The following FANCG variants were observed in gnomAD, a reference collection of about 807,000 sequenced individuals.
FANCG encodes Fanconi anemia group G protein.
A neutral mutation model predicts 73.3 loss-of-function variants in FANCG; 67 were observed. That is an observed-to-expected ratio of 0.91 (90% confidence interval 0.75 to 1.12). The LOEUF (loss-of-function observed/expected upper bound fraction) is 1.12. FANCG is among the 50% of genes most tolerant of loss of function. The pLI is 0.00. For synonymous variants in FANCG, 297 were observed against 311.6 expected, an observed-to-expected ratio of 0.95 and a Z score of 0.49; for missense variants, 643 against 735.6, an observed-to-expected ratio of 0.87 and a Z score of 1.46.
In FANCG at chr9:35,077,336, C is replaced by T; in HGVS notation, c.574G>A (p.Asp192Asn). The T allele has an allele frequency of 6.2e-7, 1 of 1,614,172 alleles. No individual in the cohort carries two copies. The highest frequency in any genetic ancestry group is 8.5e-7 in the Non-Finnish European group (1 of 1,180,016). The stretch of plus-strand genomic sequence containing the variant: ...GCATCCTGCAGGGTCAATGGAGCAT[C>T]TAATTCCTCAGCTGGGGGACTCCAA... ...KTWSPPAEEL[D>N]APLTLQDAQG... is the part of the protein sequence containing the mutation. Residue 192 changes from aspartate (D) to asparagine (N), a missense_variant, in exon 5 of 14, where the codon GAT becomes AAT. Physicochemically the swap from Asp to Asn is conservative, Grantham distance 23. Transcript: ENST00000378643.
Position 35,079,269 on chromosome 9 carries a change from G to A in FANCG, c.85-28C>T, listed in dbSNP as rs954547039. 6 of 1,591,600 alleles carry A rather than the reference G, an allele frequency of 3.8e-6. No individual in the cohort carries two copies. The African/African-American group carries it at 4.0e-5, about 11-fold the overall frequency. On this transcript the variant is annotated intron_variant, in intron 1 of 13. Coordinates refer to ENST00000378643, the MANE Select transcript of FANCG (RefSeq NM_004629.2). Reference sequence around the variant, plus strand: ...GCCACATGAGGGAGGGGTTGTCACTGAGGATCAATCCTTTTTTCTCCCCTT... The same window carrying A: ...GCCACATGAGGGAGGGGTTGTCACTAAGGATCAATCCTTTTTTCTCCCCTT...
rs1352925482 is a variant in FANCG, at chr9:35,074,767, A to G, written c.1636+160T>C. The stretch of plus-strand genomic sequence containing the variant: ...TGGGAGCCCTGCATACACACTGTGT[A>G]TATTTGAACACCTGGATATATCCCT... On this transcript the variant is annotated intron_variant, in intron 12 of 13. Coordinates refer to ENST00000378643, the MANE Select transcript of FANCG (RefSeq NM_004629.2). 2.8e-5 allele frequency: 27 copies of G among 972,230 alleles called. No individual in the cohort carries two copies. The East Asian group carries it at 5.8e-4, about 21-fold the overall frequency. The allele number at this position is 972,230 out of a possible 1,614,324, so 60.2% of individuals were successfully genotyped here.
rs781361418 is a variant in FANCG at position 35,079,145 on chromosome 9, G to C, written c.175+6C>G. On this transcript the variant is annotated splice_donor_region_variant and intron_variant, in intron 2 of 13. Transcript: ENST00000378643. ...GAACTGACCATCCTGGGGAGGACCCGCCTACCTTGCAGACTATGGAGGAGC... is the reference window on the plus strand; with the variant it reads ...GAACTGACCATCCTGGGGAGGACCCCCCTACCTTGCAGACTATGGAGGAGC... The C allele has an allele frequency of 2.5e-6, 4 of 1,603,396 alleles. No homozygotes were observed. Among genetic ancestry groups the C allele is most frequent in the African/African-American group, 1.3e-5 (1 of 74,640 alleles).
intron 4 of FANCG, 91 bp from the exon 5 acceptor site, chr9:35,077,490 G>A (rs1829108216): frequency 1.3e-6 from 2 of 1,543,336 alleles, no homozygotes; most frequent in Non-Finnish European, 1.8e-6. Flanking sequence ...TTGAGCTCAA[G>A]GGTCCTCTTG....
At chr9:35,074,863 T>C (rs1428879038) in intron 12 of FANCG, 64 bp downstream of exon 12, 4 of 1,593,852 alleles carry the variant, frequency 2.5e-6, no homozygotes, top group East Asian at 2.2e-5. Context: ...CGCCCAAGTA[T>C]TTCCCATGGG....
At position 35,078,249 on chromosome 9, in the gene FANCG, C is replaced by T. The variant is rs1489022601; in HGVS notation, c.402G>A (p.Glu134=). ...SVLRASCLLP[E]LLSALHRLVG... ...CCAGGCGGTGCAGGGCAGACAGCAG[C>T]TCCGGCAGAAGGCAGGAAGCACGAA... is the stretch of plus-strand genomic sequence containing the variant. The change falls in exon 4 of 14, where the codon GAG becomes GAA. Residue 134 remains glutamate (E), a synonymous_variant. Transcript: ENST00000378643. 1 of 1,614,182 alleles carries T rather than the reference C, an allele frequency of 6.2e-7. No individual in the cohort carries two copies. Among genetic ancestry groups the T allele is most frequent in the Non-Finnish European group, 8.5e-7 (1 of 1,180,042 alleles).
intron 3 of FANCG, 107 bp from the exon 4 acceptor site, chr9:35,078,450 C>T (rs1829126438): frequency 6.6e-7 from 1 of 1,516,422 alleles, no homozygotes; most frequent in Non-Finnish European, 9.1e-7. Flanking sequence ...CCCCAAAGGT[C>T]ACAATAATAA....
chr9:35,079,504 A>G lies in FANCG; in HGVS notation c.21T>C (p.Ser7=), dbSNP rs747679533. The change falls in exon 1 of 14, where the codon TCT becomes TCC. Residue 7 remains serine, a synonymous_variant. Transcript: ENST00000378643. MSRQTT[S]VGSSCLDLWR... ...ACAGGTCCAGGCAGCTGGAGCCCAC[A>G]GAGGTGGTCTGGCGGGACATGGTGG... 6.2e-7 allele frequency: 1 copy of G among 1,614,098 alleles called. No individual in the cohort carries two copies. The highest frequency in any genetic ancestry group is 8.5e-7 in the Non-Finnish European group (1 of 1,180,028).
chr9:35,073,855 C>T lies in FANCG; in HGVS notation c.*253G>A, dbSNP rs916607205. 2.7e-5 allele frequency: 15 copies of T among 563,548 alleles called. No homozygotes were observed. Among genetic ancestry groups the T allele is most frequent in the African/African-American group, 2.1e-4 (11 of 53,258 alleles). The allele number at this position is 563,548 out of a possible 1,614,324, so 34.9% of individuals were successfully genotyped here. A position where few individuals can be genotyped will look rare whatever the true frequency, so the allele number is the denominator to read the frequency against. ...CAGACGAGATAAATATGAAATTTTACTCGACAACAGAAAAGGAGAAACAGG... is the reference window on the plus strand; with the variant it reads ...CAGACGAGATAAATATGAAATTTTATTCGACAACAGAAAAGGAGAAACAGG... On this transcript the variant is annotated 3_prime_UTR_variant, in exon 14 of 14. Coordinates refer to ENST00000378643, the MANE Select transcript of FANCG (RefSeq NM_004629.2).
At position 35,076,850 on chromosome 9, in the gene FANCG, C is replaced by T. The variant is rs200673434; in HGVS notation, c.798G>A (p.Leu266=). ...HRKMGNPQRA[L]LYLVAALKEG... ...CTTTCAGGGCTGCAACCAAGTACAACAGTGCTCTCTGTGGATTTCCCTAAA... is the reference window on the plus strand; with the variant it reads ...CTTTCAGGGCTGCAACCAAGTACAATAGTGCTCTCTGTGGATTTCCCTAAA... Residue 266 remains leucine (L), a synonymous_variant, in exon 7 of 14, where the codon CTG becomes CTA. Coordinates refer to ENST00000378643, the MANE Select transcript of FANCG (RefSeq NM_004629.2). 5.0e-6 allele frequency: 8 copies of T among 1,614,240 alleles called. No homozygotes were observed. The Admixed American group carries it at 6.7e-5, about 13-fold the overall frequency.
chr9:35,077,138 T>TA, intron 5 of FANCG, 37 bp from the exon 6 acceptor site: 2 of 1,614,106 alleles, frequency 1.2e-6, no homozygotes, highest in Non-Finnish European at 1.7e-6. Flanking sequence ...GAGAGGGCTA[T>TA]AGAGCAGGGG....
rs1486575606 is a variant in FANCG at position 35,078,355 on chromosome 9, A to C, written c.308-12T>G. 3.7e-6 allele frequency: 6 copies of C among 1,606,846 alleles called. No individual in the cohort carries two copies. In the Admixed American group the frequency reaches 1.0e-4, roughly 27 times the overall value. ...CTGTGTCTCCAGCACTGTAGAGTAT[A>C]CACACACACATAGACACACACACAG... is the stretch of plus-strand genomic sequence containing the variant. On this transcript the variant is annotated splice_polypyrimidine_tract_variant and intron_variant, in intron 3 of 13. Coordinates refer to ENST00000378643, the MANE Select transcript of FANCG (RefSeq NM_004629.2).
In FANCG at chr9:35,078,798, C is replaced by G. The variant is rs1364392069; in HGVS notation, c.176-62G>C. ...CATGGAAGATCCTCCAAATAAAATC[C>G]CAACTCAGAGATCACCCCACTCCAA... On this transcript the variant is annotated intron_variant, in intron 2 of 13. Coordinates refer to ENST00000378643, the MANE Select transcript of FANCG (RefSeq NM_004629.2). 25 of 1,608,826 alleles carry G rather than the reference C, an allele frequency of 1.6e-5. No individual in the cohort carries two copies. In the East Asian group the frequency reaches 5.3e-4, roughly 34 times the overall value.
Position 35,076,499 on chromosome 9 carries a change from G to GT in FANCG, c.1008dup (p.Pro337ThrfsTer41), listed in dbSNP as rs1829086026. The stretch of plus-strand genomic sequence containing the variant: ...TGGCTCTGAGTGCCACAATGAAGGG[G>GT]TGAGGCTAGGTCAGGTGGTGGCAGT... On this transcript the variant is annotated frameshift_variant, in exon 8 of 14. Coordinates refer to ENST00000378643, the MANE Select transcript of FANCG (RefSeq NM_004629.2). LOFTEE classifies it high-confidence loss of function. 7 of 1,614,198 alleles carry GT rather than the reference G, an allele frequency of 4.3e-6. No homozygotes were observed. The highest frequency in any genetic ancestry group is 5.1e-6 in the Non-Finnish European group (6 of 1,180,036).
chr9:35,077,827 G>A lies in FANCG; in HGVS notation c.510+314C>T, dbSNP rs568189757. On this transcript the variant is annotated intron_variant, in intron 4 of 13. Transcript: ENST00000378643. ...GGCTGCAGGGCTGGAGTGCAGTGGC[G>A]TGATCATAGCTCACAACTCACTGTT... 4.5e-4 allele frequency among the ~76,000 whole-genome samples: 69 copies of A among 151,724 alleles called. 1 individual carries two copies. Among genetic ancestry groups the A allele is most frequent in the African/African-American group, 1.3e-3 (52 of 41,298 alleles).
rs757418016 is a variant in FANCG, at chr9:35,075,739, AG to A, written c.1158del (p.Ser387ProfsTer16). On this transcript the variant is annotated frameshift_variant, in exon 10 of 14. Transcript: ENST00000378643. LOFTEE classifies it high-confidence loss of function. ...DSSEPRFSPP[P>X]SPPGPCMPEV... ...TCAGGCATACAGGGCCCTGGAGGGG[AG>A]GGGGGTGGGGAGAACTGGAGTGGGA... 3.0e-5 allele frequency: 17 copies of A among 567,010 alleles called. No homozygotes were observed. Among genetic ancestry groups the A allele is most frequent in the Non-Finnish European group, 4.2e-5 (13 of 311,322 alleles). The allele number at this position is 567,010 out of a possible 1,614,324, so 35.1% of individuals were successfully genotyped here.
In FANCG at chr9:35,077,070, G is replaced by A. The variant is rs1187334238; in HGVS notation, c.678C>T (p.Asp226=). 5 of 1,614,094 alleles carry A rather than the reference G, an allele frequency of 3.1e-6. No individual in the cohort carries two copies. The highest frequency in any genetic ancestry group is 1.3e-5 in the African/African-American group (1 of 74,934). ...CTTCATGAAGGCTGCTTAGTGCCTTGTCTGGGTTCCCTGTGATCAGCTCCT... is the reference window on the plus strand; with the variant it reads ...CTTCATGAAGGCTGCTTAGTGCCTTATCTGGGTTCCCTGTGATCAGCTCCT... ...GLQELITGNP[D]KALSSLHEAA... The change falls in exon 6 of 14, where the codon GAC becomes GAT. Residue 226 remains aspartate (D), a synonymous_variant. Coordinates refer to ENST00000378643, the MANE Select transcript of FANCG (RefSeq NM_004629.2).
At position 35,079,471 on chromosome 9, in the gene FANCG, T is replaced by TTC. The variant is rs1354583871; in HGVS notation, c.52_53dup (p.Asn20ArgfsTer17). 1.2e-6 allele frequency: 2 copies of TTC among 1,614,028 alleles called. No individual in the cohort carries two copies. The highest frequency in any genetic ancestry group is 2.7e-5 in the African/African-American group (2 of 74,930). On this transcript the variant is annotated frameshift_variant, in exon 1 of 14. Transcript: ENST00000378643. LOFTEE classifies it high-confidence loss of function. ...CCTGTCGAACGAGCCGGTCATTCTT[T>TTC]TCCCTCCACAGGTCCAGGCAGCTGG...
At position 35,076,886 on chromosome 9, in the gene FANCG, G is replaced by A. The variant is rs142501526; in HGVS notation, c.778-16C>T. Reference sequence around the variant, plus strand: ...GTGGATTTCCCTAAAGGGATAGGAGGACACGGGCCTCAGCTACCCTTACAA... The same window carrying A: ...GTGGATTTCCCTAAAGGGATAGGAGAACACGGGCCTCAGCTACCCTTACAA... On this transcript the variant is annotated splice_polypyrimidine_tract_variant and intron_variant, in intron 6 of 13. Transcript: ENST00000378643. 4 of 1,614,204 alleles carry A rather than the reference G, an allele frequency of 2.5e-6. No individual in the cohort carries two copies. The African/African-American group carries it at 5.3e-5, about 22-fold the overall frequency.
Sources: gnomAD v4.1 joint callset for allele counts (sites outside exome capture counted in the v4.1 genomes callset) on GRCh38, gnomAD v4.1.1 for gene constraint, MANE v1.5 for transcripts, NCBI Gene and HGNC (gene_info 2026-07-23, HGNC 2026-07-21) for gene names.